The following TRPM3 variants were observed in gnomAD, a reference collection of about 807,000 sequenced individuals.
TRPM3 encodes long transient receptor potential channel 3.
TRPM3 carries 77 observed loss-of-function variants against 181.2 expected under a neutral mutation model. The ratio of observed to expected loss-of-function variants is 0.42; its 90% CI spans 0.35 to 0.51. TRPM3 has a LOEUF of 0.51. Ranked by LOEUF, TRPM3 falls within the 20% of genes least tolerant of loss-of-function variation. TRPM3 has a pLI of 0.01. For synonymous variants in TRPM3, 745 were observed against 796.4 expected (o/e 0.94, Z 1.09); for missense variants, 1,759 against 2,196.7 (o/e 0.80, Z 3.98).
intron 1 of TRPM3, among the ~76,000 whole-genome samples, chr9:70,885,254 G>A (rs1448736530): frequency 2.6e-5 from 4 of 152,046 alleles, no homozygotes; most frequent in Non-Finnish European, 5.9e-5. Flanking sequence ...ATTCTTTGTT[G>A]TGGGTGCTGT....
At chr9:70,674,922 C>G (rs193184935) in intron 9 of TRPM3, among the ~76,000 whole-genome samples, 57 of 151,274 alleles carry the variant, frequency 3.8e-4, no homozygotes, top group Middle Eastern at 3.4e-3. Flanking sequence ...TTCTTTTTTC[C>G]CCTAAAGATA....
intron 6 of TRPM3, among the ~76,000 whole-genome samples, chr9:70,801,951 T>C (rs78071101): frequency 0.027 from 4,072 of 152,316 alleles, 79 homozygotes; most frequent in Middle Eastern, 0.058. Context: ...AATTTTAGCA[T>C]GCATCAGAAT....
At chr9:70,763,543 T>C (rs72727770) in intron 7 of TRPM3, among the ~76,000 whole-genome samples, 2 of 152,188 alleles carry the variant, frequency 1.3e-5, no homozygotes, top group Admixed American at 6.5e-5. Flanking sequence ...TTGAAAAAAA[T>C]AATGCCAAAT....
intron 1 of TRPM3, among the ~76,000 whole-genome samples, chr9:71,398,352 T>A (rs2093250628): frequency 6.6e-6 from 1 of 152,210 alleles, no homozygotes; most frequent in African/African-American, 2.4e-5. Context: ...GTTGTTATAA[T>A]GAATAAATGA....
rs150677322 is a variant in TRPM3, at chr9:70,589,991, A to G, written c.3223+1040T>C. The stretch of plus-strand genomic sequence containing the variant: ...TCTGCTCCTGCTCTTAATAAGCTAT[A>G]CTACCTGGTTATGCAACCCTAATCC... On this transcript the variant is annotated intron_variant, in intron 22 of 25. Coordinates refer to ENST00000677713, the MANE Select transcript of TRPM3 (RefSeq NM_001366145.2). Among the ~76,000 whole-genome samples the G allele has an allele frequency of 2.6e-4, 39 of 152,254 alleles. No homozygotes were observed. In the East Asian group the frequency reaches 7.2e-3, roughly 28 times the overall value.
intron 1 of TRPM3, among the ~76,000 whole-genome samples, chr9:71,238,993 A>G (rs1276112778): frequency 1.3e-5 from 2 of 152,126 alleles, no homozygotes; most frequent in African/African-American, 4.8e-5. Context: ...AAATATTCCA[A>G]AGGTGCACAT....
chr9:70,867,011 G>A (rs1300994543), intron 1 of TRPM3, among the ~76,000 whole-genome samples: 1 of 151,932 alleles, frequency 6.6e-6, no homozygotes, highest in Non-Finnish European at 1.5e-5. Context: ...CTTGTTATGG[G>A]CAGTACTATC....
chr9:71,407,471 A>T (rs1475681991), intron 1 of TRPM3, among the ~76,000 whole-genome samples: 1 of 152,210 alleles, frequency 6.6e-6, no homozygotes, highest in Non-Finnish European at 1.5e-5. Context: ...GGCCTTGCTC[A>T]CTGCTAGCAC....
At chr9:71,256,739 C>T (rs2082698928) in intron 1 of TRPM3, among the ~76,000 whole-genome samples, 1 of 151,976 alleles carries the variant, frequency 6.6e-6, no homozygotes, top group Non-Finnish European at 1.5e-5. Flanking sequence ...AGAACAGATG[C>T]CACGTATGAG....
chr9:70,830,457 A>G (rs1250745380), intron 5 of TRPM3, among the ~76,000 whole-genome samples: 1 of 152,152 alleles, frequency 6.6e-6, no homozygotes, highest in Non-Finnish European at 1.5e-5. Context: ...TCATGGCAAA[A>G]GGGTCAAATT....
At chr9:70,993,562 C>T (rs560168726) in intron 1 of TRPM3, among the ~76,000 whole-genome samples, 4 of 151,922 alleles carry the variant, frequency 2.6e-5, no homozygotes, top group East Asian at 3.9e-4. Flanking sequence ...TTTAAAATAC[C>T]GATTAGCCAT....
At chr9:71,026,249 C>T (rs1220180078) in intron 1 of TRPM3, among the ~76,000 whole-genome samples, 1 of 152,164 alleles carries the variant, frequency 6.6e-6, no homozygotes, top group Admixed American at 6.5e-5. Context: ...TCTTGCGCAT[C>T]AGATGGGGCA....
intron 6 of TRPM3, among the ~76,000 whole-genome samples, chr9:70,785,214 T>C (rs1183538057): frequency 6.6e-6 from 1 of 152,232 alleles, no homozygotes; most frequent in Admixed American, 6.5e-5. Context: ...AAGCTATTTA[T>C]GCTGAGCCAG....
chr9:71,192,933 C>G (rs898783048), intron 1 of TRPM3, among the ~76,000 whole-genome samples: 1 of 151,680 alleles, frequency 6.6e-6, no homozygotes, highest in Non-Finnish European at 1.5e-5. Flanking sequence ...ATAAATAGGC[C>G]AAGACATCAT....
chr9:70,862,684 C>A (rs970264189), intron 3 of TRPM3, among the ~76,000 whole-genome samples: 1 of 152,046 alleles, frequency 6.6e-6, no homozygotes, highest in African/African-American at 2.4e-5. Context: ...ATTTAAAAGT[C>A]ACTAATTACT....
intron 1 of TRPM3, among the ~76,000 whole-genome samples, chr9:71,163,329 TATAGGTAGG>T (rs1228832854): frequency 1.3e-5 from 2 of 150,150 alleles, no homozygotes; most frequent in Admixed American, 1.3e-4. Context: ...GGAAACAAGA[TATAGGTAGG>T]TAGGTAGGTA....
chr9:71,017,670 T>C (rs911409209), intron 1 of TRPM3, among the ~76,000 whole-genome samples: 4 of 151,850 alleles, frequency 2.6e-5, no homozygotes, highest in Admixed American at 2.0e-4. Context: ...TGCATATACT[T>C]AATTATATAA....
At chr9:70,670,917 T>A (rs2062791452) in intron 9 of TRPM3, among the ~76,000 whole-genome samples, 1 of 152,204 alleles carries the variant, frequency 6.6e-6, no homozygotes, top group Non-Finnish European at 1.5e-5. Flanking sequence ...TAACTTTGTT[T>A]ACTGGCTACA....
intron 8 of TRPM3, among the ~76,000 whole-genome samples, chr9:70,754,227 T>C (rs181883263): frequency 1.9e-3 from 294 of 152,274 alleles, no homozygotes; most frequent in African/African-American, 6.9e-3. Flanking sequence ...ACTGTGTGCA[T>C]GGTCACCTGT....
Sources: gnomAD v4.1 joint callset for allele counts (sites outside exome capture counted in the v4.1 genomes callset) on GRCh38, gnomAD v4.1.1 for gene constraint, MANE v1.5 for transcripts, NCBI Gene and HGNC (gene_info 2026-07-23, HGNC 2026-07-21) for gene names.